Variants in ORC3 observed in about 807,000 individuals in gnomAD.
The protein encoded by ORC3 is origin recognition complex subunit 3, also known as homolog of latheo, Drosophila.
Under a neutral mutation model 100.7 loss-of-function variants are expected in ORC3, and 78 were observed. The ratio of observed to expected loss-of-function variants is 0.77; its 90% CI spans 0.65 to 0.94. The LOEUF (loss-of-function observed/expected upper bound fraction) is 0.94. Among genes scored for constraint, ORC3 ranks in the 40% least tolerant of loss-of-function variants. The probability of loss-of-function intolerance (pLI) is 0.00; values close to 1 mark genes in which losing one functional copy is unlikely to be tolerated. For missense variants in ORC3, 789 were observed against 823.9 expected (o/e 0.96, Z 0.52); for synonymous variants, 295 against 289.3 (o/e 1.02, Z -0.20).
intron 13 of ORC3, among the ~76,000 whole-genome samples, chr6:87,639,825 C>CAAAAA (rs548788316): frequency 6.8e-5 from 4 of 58,752 alleles, no homozygotes; most frequent in East Asian, 4.8e-4. Context: ...GCCAAAAATA[C>CAAAAA]AAAAAAAAAA....
intron 16 of ORC3, among the ~76,000 whole-genome samples, chr6:87,660,459 C>T (rs1255989916): frequency 6.6e-6 from 1 of 152,236 alleles, no homozygotes; most frequent in Admixed American, 6.5e-5. Context: ...TTTCTCTACA[C>T]TGCCCTCAAC....
At chr6:87,633,154 A>C (rs1421289704) in intron 11 of ORC3, among the ~76,000 whole-genome samples, 1 of 152,250 alleles carries the variant, frequency 6.6e-6, no homozygotes, top group Non-Finnish European at 1.5e-5. Context: ...AGGCAAAAGA[A>C]AATAGGTAGC....
intron 2 of ORC3, among the ~76,000 whole-genome samples, chr6:87,597,722 A>AT (rs1031715818): frequency 2.7e-5 from 4 of 148,448 alleles, no homozygotes; most frequent in South Asian, 2.1e-4. Context: ...TATATATATA[A>AT]TTTTTTTTTA....
At position 87,605,996 on chromosome 6, in the gene ORC3, C is replaced by T. The variant is rs755700730; in HGVS notation, c.402C>T (p.Val134=). ...ALQNNVTPYV[V]SLQAKDCPDM... ...AGAATAATGTCACACCATATGTAGT[C>T]TCATTGCAAGCTAAAGATTGTCCAG... Residue 134 remains valine, a synonymous_variant, in exon 5 of 20, where the codon GTC becomes GTT. Transcript: ENST00000392844. The T allele has an allele frequency of 4.4e-6, 7 of 1,591,918 alleles. No homozygotes were observed. Among genetic ancestry groups the T allele is most frequent in the Non-Finnish European group, 6.0e-6 (7 of 1,163,990 alleles).
chr6:87,630,359 C>T (rs970652486), intron 11 of ORC3, among the ~76,000 whole-genome samples: 2 of 152,150 alleles, frequency 1.3e-5, no homozygotes, highest in African/African-American at 4.8e-5. Context: ...TGAGATTGCA[C>T]CACTGCATTC....
At chr6:87,672,357 A>G (rs141710351), downstream of ORC3, among the ~76,000 whole-genome samples, 1 of 152,296 alleles carries the variant, frequency 6.6e-6, no homozygotes, top group East Asian at 1.9e-4. Context: ...GCTTTTGGAA[A>G]TGATTTAGTA....
At chr6:87,607,576 A>C (rs1583025148) in intron 5 of ORC3, 97 bp from the exon 6 acceptor site, 2 of 646,860 alleles carry the variant, frequency 3.1e-6, no homozygotes, top group South Asian at 5.3e-5. Flanking sequence ...CATTCTACCA[A>C]AAAAAAAAGT....
At chr6:87,616,277 C>T in intron 8 of ORC3, 37 bp from the exon 9 acceptor site, 1 of 770,034 alleles carries the variant, frequency 1.3e-6, no homozygotes, top group Non-Finnish European at 2.3e-6. Flanking sequence ...TGAAGACTAA[C>T]AAGGAGTGTG....
intron 11 of ORC3, among the ~76,000 whole-genome samples, chr6:87,623,167 T>C (rs1412978613): frequency 1.3e-5 from 2 of 152,234 alleles, no homozygotes; most frequent in Admixed American, 6.5e-5. Context: ...TTTCCCTCCA[T>C]TGGTAATTTA....
chr6:87,603,178 C>T (rs1778093409), intron 3 of ORC3, among the ~76,000 whole-genome samples: 5 of 151,332 alleles, frequency 3.3e-5, no homozygotes. Context: ...TGAGGTCTCA[C>T]TATGCCGACC....
chr6:87,616,329 C>T lies in ORC3; in HGVS notation c.889C>T (p.Gln297Ter). Reference protein sequence around the residue: ...TVLDKLLLTTQFPFKINEKVL... With the variant: ...TVLDKLLLTT ...TCTCTTTCAGCTACTTCTTACAACT[C>T]AGTTTCCCTTTAAAATAAATGAAAA... The change falls in exon 9 of 20, where the codon CAG (glutamine) becomes TAG (stop). Residue 297 changes from glutamine to a stop codon, truncating the protein, a stop_gained. Coordinates refer to ENST00000392844, the MANE Select transcript of ORC3 (RefSeq NM_012381.4). LOFTEE classifies it high-confidence loss of function. 1.4e-6 allele frequency: 2 copies of T among 1,412,526 alleles called. No individual in the cohort carries two copies. The highest frequency in any genetic ancestry group is 1.4e-5 in the African/African-American group (1 of 71,026). The allele number at this position is 1,412,526 out of a possible 1,614,324, so 87.5% of individuals were successfully genotyped here.
intron 11 of ORC3, among the ~76,000 whole-genome samples, chr6:87,627,905 G>A (rs192413433): frequency 2.0e-5 from 3 of 152,166 alleles, no homozygotes; most frequent in East Asian, 1.9e-4. Context: ...TCTTAAGCTA[G>A]AACTAATCTA....
chr6:87,641,959 T>C (rs1320089017), intron 13 of ORC3, among the ~76,000 whole-genome samples: 1 of 152,130 alleles, frequency 6.6e-6, no homozygotes, highest in Non-Finnish European at 1.5e-5. Flanking sequence ...CTTATGATGA[T>C]GTAGATTTAT....
At chr6:87,627,017 G>A (rs1438894820) in intron 11 of ORC3, among the ~76,000 whole-genome samples, 1 of 150,548 alleles carries the variant, frequency 6.6e-6, no homozygotes, top group Non-Finnish European at 1.5e-5. Flanking sequence ...TTTTTTTTGA[G>A]GTGGAGTTTT....
intron 13 of ORC3, chr6:87,651,195 A>G (rs1769236760): frequency 2.2e-6 from 1 of 456,150 alleles, no homozygotes; most frequent in East Asian, 7.0e-5. Flanking sequence ...CTTCCTTGAT[A>G]TTCAGTTATT....
chr6:87,665,160 AAAC>A (rs1368448675), intron 18 of ORC3, among the ~76,000 whole-genome samples: 1 of 152,232 alleles, frequency 6.6e-6, no homozygotes, highest in Non-Finnish European at 1.5e-5. Context: ...AGCAAAAACT[AAAC>A]AATTTAGGTC....
intron 13 of ORC3, among the ~76,000 whole-genome samples, chr6:87,651,637 A>G (rs1187670647): frequency 6.6e-6 from 1 of 152,136 alleles, no homozygotes; most frequent in African/African-American, 2.4e-5. Flanking sequence ...GAAATTTACT[A>G]TTTGGTCTAC....
intron 11 of ORC3, among the ~76,000 whole-genome samples, chr6:87,626,744 G>A (rs543795732): frequency 4.0e-5 from 6 of 149,658 alleles, no homozygotes; most frequent in South Asian, 4.2e-4. Context: ...CTGAGACAGC[G>A]CCACTGCACT....
In ORC3 at chr6:87,653,172, A is replaced by C. The variant is rs939207561; in HGVS notation, c.1439A>C (p.Lys480Thr). The C allele has an allele frequency of 1.2e-6, 2 of 1,613,494 alleles. No individual in the cohort carries two copies. The highest frequency in any genetic ancestry group is 8.5e-7 in the Non-Finnish European group (1 of 1,179,546). The change falls in exon 14 of 20, where the codon AAG becomes ACG. Residue 480 changes from lysine to threonine, a missense_variant. Physicochemically the swap from Lys to Thr is moderately conservative, Grantham distance 78 (BLOSUM62 -1). Around this residue, in one of 3 missense-constraint regions of ORC3, gnomAD observed 366 missense variants for 394.2 expected, o/e 0.93. Transcript: ENST00000392844. Reference sequence around the variant, plus strand: ...CTTGAGAAATGTTTCAAGGTTTTTAAGTCTTATTGTGAAAACCACCTTGGC... The same window carrying C: ...CTTGAGAAATGTTTCAAGGTTTTTACGTCTTATTGTGAAAACCACCTTGGC... ...TILEKCFKVF[K>T]SYCENHLGST...
Sources: allele counts gnomAD v4.1 joint callset (sites outside exome capture counted in the v4.1 genomes callset), GRCh38; gene constraint gnomAD v4.1.1; regional missense constraint gnomAD v4.1.1; transcripts MANE v1.5; gene names NCBI Gene and HGNC (gene_info 2026-07-23, HGNC 2026-07-21).